KCNK18: variants seen among roughly 807,000 people sequenced by gnomAD.
The protein encoded by KCNK18 is potassium channel subfamily K member 18.
In KCNK18, 8 loss-of-function variants were observed where a neutral mutation model predicts 11.8. That is an observed-to-expected ratio of 0.68 (90% CI 0.40 to 1.22). The LOEUF (loss-of-function observed/expected upper bound fraction) is 1.22, where lower values mean the gene tolerates loss of function less well. KCNK18 is among the 50% of genes most tolerant of loss of function. KCNK18 has a pLI of 0.01. For missense variants in KCNK18, 442 were observed against 465.4 expected (o/e 0.95, Z 0.46); for synonymous variants, 208 against 185.8 (o/e 1.12, Z -0.97).
intron 2 of KCNK18, 49 bp downstream of exon 2, chr10:117,201,336 G>A (rs368165353): frequency 4.4e-6 from 7 of 1,603,668 alleles, no homozygotes; most frequent in East Asian, 4.5e-5. Context: ...TGAAGGGTGG[G>A]TTTCTGGGTG....
intron 2 of KCNK18, among the ~76,000 whole-genome samples, chr10:117,202,735 A>C (rs1355271363): frequency 6.6e-6 from 1 of 152,138 alleles, no homozygotes; most frequent in Non-Finnish European, 1.5e-5. Flanking sequence ...CTCCTAAATC[A>C]GCTGGGGGAG....
chr10:117,207,263 A>T (rs954838925), intron 2 of KCNK18, among the ~76,000 whole-genome samples: 16 of 152,086 alleles, frequency 1.1e-4, no homozygotes, highest in Admixed American at 7.2e-4. Flanking sequence ...TCCTGACCTC[A>T]TATGATCTGT....
At chr10:117,206,835 C>T (rs990351226) in intron 2 of KCNK18, among the ~76,000 whole-genome samples, 1 of 152,184 alleles carries the variant, frequency 6.6e-6, no homozygotes, top group Non-Finnish European at 1.5e-5. Context: ...CCCAGTCACC[C>T]CCTTGGTATA....
rs1843748220 is a variant in KCNK18 at position 117,210,249 on chromosome 10, G to A, written c.1105G>A (p.Val369Ile). ...CAGGCTGATTGACATATACAAAAAT[G>A]TTATGCTATTCTTTGCAAAAGGGAA... ...QNRLIDIYKN[V>I]MLFFAKGKFY... The change falls in exon 3 of 3, where the codon GTT becomes ATT. Residue 369 changes from valine to isoleucine, a missense_variant. By Grantham distance (29) the Val-to-Ile change is conservative. Coordinates refer to ENST00000334549, the MANE Select transcript of KCNK18 (RefSeq NM_181840.1). 6.2e-7 allele frequency: 1 copy of A among 1,614,138 alleles called. No homozygotes were observed. Among genetic ancestry groups the A allele is most frequent in the East Asian group, 2.2e-5 (1 of 44,886 alleles).
In KCNK18 at chr10:117,203,788, C is replaced by T. The variant is rs142434069; in HGVS notation, c.352+2501C>T. 1.8e-3 allele frequency among the ~76,000 whole-genome samples: 270 copies of T among 152,324 alleles called. 1 individual carries two copies. Among genetic ancestry groups the T allele is most frequent in the East Asian group, 0.014 (75 of 5,174 alleles). ...CTGACCTCAGGTGATCCATCCGTCTCGGCCTTCCAAAGTGCTGGGATTATA... is the reference window on the plus strand; with the variant it reads ...CTGACCTCAGGTGATCCATCCGTCTTGGCCTTCCAAAGTGCTGGGATTATA... On this transcript the variant is annotated intron_variant, in intron 2 of 2. Coordinates refer to ENST00000334549, the MANE Select transcript of KCNK18 (RefSeq NM_181840.1).
intron 1 of KCNK18, among the ~76,000 whole-genome samples, chr10:117,200,702 C>T (rs962462997): frequency 5.3e-5 from 8 of 151,876 alleles, no homozygotes; most frequent in African/African-American, 9.7e-5. Flanking sequence ...GTCTCAGCTA[C>T]GCAGGAGGCT....
Position 117,210,036 on chromosome 10 carries a change from G to A in KCNK18, c.892G>A (p.Ala298Thr). The A allele has an allele frequency of 6.2e-7, 1 of 1,614,228 alleles. No homozygotes were observed. The highest frequency in any genetic ancestry group is 8.5e-7 in the Non-Finnish European group (1 of 1,180,048). Residue 298 changes from alanine to threonine, a missense_variant, in exon 3 of 3, where the codon GCT becomes ACT. Coordinates refer to ENST00000334549, the MANE Select transcript of KCNK18 (RefSeq NM_181840.1). ...LIVFAYISCAAAILPFWETQL... is the reference protein window; with the variant it reads ...LIVFAYISCATAILPFWETQL... Reference sequence around the variant, plus strand: ...TGTTTTTGCCTACATTTCCTGTGCAGCTGCCATCCTCCCCTTCTGGGAGAC... The same window carrying A: ...TGTTTTTGCCTACATTTCCTGTGCAACTGCCATCCTCCCCTTCTGGGAGAC...
At chr10:117,203,213 G>A (rs1342045110) in intron 2 of KCNK18, among the ~76,000 whole-genome samples, 1 of 152,088 alleles carries the variant, frequency 6.6e-6, no homozygotes, top group African/African-American at 2.4e-5. Flanking sequence ...AGGGATGGGT[G>A]AGGGACAGAA....
At chr10:117,206,572 G>C (rs1855079463) in intron 2 of KCNK18, among the ~76,000 whole-genome samples, 1 of 152,002 alleles carries the variant, frequency 6.6e-6, no homozygotes, top group South Asian at 2.1e-4. Context: ...ACTGATCAAG[G>C]CACTCCCCCA....
intron 1 of KCNK18, among the ~76,000 whole-genome samples, chr10:117,198,245 G>C (rs1001650613): frequency 7.2e-5 from 11 of 152,158 alleles, no homozygotes; most frequent in African/African-American, 2.7e-4. Flanking sequence ...CTTTTCTGCT[G>C]TCTGGCTCAG....
chr10:117,205,025 C>T (rs902494334), intron 2 of KCNK18, among the ~76,000 whole-genome samples: 4 of 152,194 alleles, frequency 2.6e-5, no homozygotes, highest in Non-Finnish European at 5.9e-5. Context: ...GGGAATGTTC[C>T]GCACTGTCCA....
Position 117,209,630 on chromosome 10 carries a change from T to C in KCNK18, c.486T>C (p.Ser162=), listed in dbSNP as rs1280753048. 6 of 1,614,160 alleles carry C rather than the reference T, an allele frequency of 3.7e-6. No homozygotes were observed. Among genetic ancestry groups the C allele is most frequent in the Non-Finnish European group, 5.1e-6 (6 of 1,180,022 alleles). The change falls in exon 3 of 3, where the codon TCT becomes TCC. Residue 162 remains serine (S), a synonymous_variant. Transcript: ENST00000334549. ...GDILATILST[S]YNRFRKFPFF... ...TCCTGGCAACCATCTTATCTACATC[T>C]TATAATCGGTTCCGAAAATTCCCTT...
chr10:117,209,096 A>G (rs1304222500), intron 2 of KCNK18, among the ~76,000 whole-genome samples: 2 of 152,164 alleles, frequency 1.3e-5, no homozygotes, highest in African/African-American at 4.8e-5. Flanking sequence ...GGCATTGGAT[A>G]TGATTACAAA....
chr10:117,203,652 G>C (rs1855041442), intron 2 of KCNK18, among the ~76,000 whole-genome samples: 1 of 152,226 alleles, frequency 6.6e-6, no homozygotes, highest in Non-Finnish European at 1.5e-5. Context: ...CAATTTTCCT[G>C]TCTCGGTCTC....
In KCNK18 at chr10:117,209,503, G is replaced by A. The variant is rs1444264519; in HGVS notation, c.359G>A (p.Gly120Asp). 6 of 1,613,794 alleles carry A rather than the reference G, an allele frequency of 3.7e-6. No individual in the cohort carries two copies. The highest frequency in any genetic ancestry group is 1.3e-5 in the African/African-American group (1 of 74,914). Residue 120 changes from glycine (G) to aspartate (D), a missense_variant, in exon 3 of 3, where the codon GGC (glycine) becomes GAC (aspartate). By Grantham distance (94) the Gly-to-Asp change is moderately conservative (BLOSUM62 -1). Coordinates refer to ENST00000334549, the MANE Select transcript of KCNK18 (RefSeq NM_181840.1). ...GCTCCATCTTCTTTTTCAGGCTATG[G>A]CTACATCTACCCCGTCACCAGGCTT... ...CCTVFSTVGY[G>D]YIYPVTRLGK...
chr10:117,206,321 G>GTC (rs1341111948), intron 2 of KCNK18, among the ~76,000 whole-genome samples: 2 of 152,060 alleles, frequency 1.3e-5, no homozygotes, highest in African/African-American at 4.8e-5. Flanking sequence ...CATCACTCTT[G>GTC]TCTCTGCCTC....
intron 2 of KCNK18, among the ~76,000 whole-genome samples, chr10:117,206,095 G>T (rs1035948326): frequency 3.9e-5 from 6 of 152,026 alleles, no homozygotes; most frequent in African/African-American, 1.4e-4. Flanking sequence ...GTTTCTTGTG[G>T]CTGCTGTAAT....
chr10:117,201,590 C>T (rs1319429374), intron 2 of KCNK18, among the ~76,000 whole-genome samples: 2 of 152,214 alleles, frequency 1.3e-5, no homozygotes, highest in Non-Finnish European at 2.9e-5. Context: ...CAAAAAGTCG[C>T]ACAGTTCATG....
At chr10:117,203,168 C>T (rs1417357709) in intron 2 of KCNK18, among the ~76,000 whole-genome samples, 7 of 152,074 alleles carry the variant, frequency 4.6e-5, no homozygotes, top group Admixed American at 6.6e-5. Context: ...TGAGACACCG[C>T]GCCTGGCCTT....
Sources: gnomAD v4.1 joint callset for allele counts (sites outside exome capture counted in the v4.1 genomes callset) on GRCh38, gnomAD v4.1.1 for gene constraint, MANE v1.5 for transcripts, NCBI Gene and HGNC (gene_info 2026-07-23, HGNC 2026-07-21) for gene names.